KLHL29: variants seen among roughly 807,000 people sequenced by gnomAD.
KLHL29 encodes kelch like family member 29.
Under a neutral mutation model 80.4 loss-of-function variants are expected in KLHL29, and 21 were observed. That is an observed-to-expected ratio of 0.26 (90% CI 0.19 to 0.38). The LOEUF (loss-of-function observed/expected upper bound fraction) is 0.38. Among genes scored for constraint, KLHL29 ranks in the 10% least tolerant of loss-of-function variants. The pLI, the probability that KLHL29 is intolerant of heterozygous loss-of-function variation, is 1.00. For synonymous variants in KLHL29, 511 were observed against 526.8 expected (o/e 0.97, Z 0.41); for missense variants, 867 against 1,223.9 (o/e 0.71, Z 4.35).
rs1666146076 is a variant in KLHL29, at chr2:23,385,381, GC to G, written c.-550del. On this transcript the variant is annotated 5_prime_UTR_variant, in exon 1 of 14. Coordinates refer to ENST00000486442, the MANE Select transcript of KLHL29 (RefSeq NM_052920.2). ...CCCCCGCCCGGAGCCCGAGCCGCGA[GC>G]CCGGAGCCAGCCCCAGCCCCGCGGC... 6.8e-6 allele frequency: 1 copy of G among 147,542 alleles called. No individual in the cohort carries two copies. Among genetic ancestry groups the G allele is most frequent in the African/African-American group, 2.5e-5 (1 of 40,552 alleles). 9.1% of individuals were successfully genotyped at this position (147,542 alleles called of 1,614,324 possible). A position where few individuals can be genotyped will look rare whatever the true frequency, so the allele number is the denominator to read the frequency against.
chr2:23,450,823 A>C (rs1281951467), intron 1 of KLHL29, among the ~76,000 whole-genome samples: 1 of 152,254 alleles, frequency 6.6e-6, no homozygotes, highest in African/African-American at 2.4e-5. Flanking sequence ...AGATATGTGC[A>C]ACCATCCCTA....
At chr2:23,409,182 C>G (rs375153628) in intron 1 of KLHL29, among the ~76,000 whole-genome samples, 1 of 152,134 alleles carries the variant, frequency 6.6e-6, no homozygotes, top group African/African-American at 2.4e-5. Flanking sequence ...ACTTTCCATT[C>G]GCAGCACAAA....
chr2:23,691,797 G>A lies in KLHL29; in HGVS notation c.1203G>A (p.Ser401=), dbSNP rs575107369. Reference sequence around the variant, plus strand: ...ACACGGGCTCCCTGGTCATCGACTCGGCCAACGCCAAGACACTGCTGGAGG... The same window carrying A: ...ACACGGGCTCCCTGGTCATCGACTCAGCCAACGCCAAGACACTGCTGGAGG... ...FVYTGSLVID[S]ANAKTLLEAA... is the part of the protein sequence containing the mutation. Residue 401 remains serine (S), a synonymous_variant, in exon 7 of 14, where the codon TCG becomes TCA. Transcript: ENST00000486442. 5.5e-5 allele frequency: 86 copies of A among 1,551,688 alleles called. No individual in the cohort carries two copies. In the Middle Eastern group the frequency reaches 1.2e-3, roughly 21 times the overall value.
At chr2:23,497,852 G>A (rs141440331) in intron 2 of KLHL29, among the ~76,000 whole-genome samples, 8 of 152,280 alleles carry the variant, frequency 5.3e-5, no homozygotes, top group Non-Finnish European at 1.0e-4. Context: ...TATGGATGCC[G>A]TTCTGAAAGA....
chr2:23,537,548 G>C (rs905293527), intron 2 of KLHL29, among the ~76,000 whole-genome samples: 3 of 152,158 alleles, frequency 2.0e-5, no homozygotes, highest in Non-Finnish European at 4.4e-5. Flanking sequence ...AGGTGCATTA[G>C]TGCTTAGAAT....
chr2:23,660,401 A>C (rs780904622), intron 5 of KLHL29, among the ~76,000 whole-genome samples: 4 of 152,104 alleles, frequency 2.6e-5, no homozygotes, highest in African/African-American at 9.7e-5. Flanking sequence ...GTGTGGGCTT[A>C]TCAGGGTTCC....
intron 5 of KLHL29, among the ~76,000 whole-genome samples, chr2:23,655,502 A>G (rs892460419): frequency 6.6e-6 from 1 of 152,178 alleles, no homozygotes; most frequent in Admixed American, 6.5e-5. Context: ...GACATCTAGC[A>G]TGGCCTACGG....
chr2:23,408,337 C>T (rs1371225739), intron 1 of KLHL29, among the ~76,000 whole-genome samples: 4 of 126,860 alleles, frequency 3.2e-5, no homozygotes, highest in Non-Finnish European at 6.3e-5. Flanking sequence ...CATATGAATT[C>T]GATGAGATCC....
intron 5 of KLHL29, among the ~76,000 whole-genome samples, chr2:23,659,512 C>G (rs967321326): frequency 6.6e-6 from 1 of 152,146 alleles, no homozygotes; most frequent in Non-Finnish European, 1.5e-5. Flanking sequence ...TTCTCAGCGC[C>G]GAGTCCCGGA....
chr2:23,591,626 G>A (rs562934752), intron 3 of KLHL29, among the ~76,000 whole-genome samples: 6 of 152,064 alleles, frequency 3.9e-5, no homozygotes, highest in African/African-American at 9.7e-5. Flanking sequence ...CTGTCACTGC[G>A]TCTGCTCGGC....
At chr2:23,584,345 C>T (rs1352637685) in intron 3 of KLHL29, among the ~76,000 whole-genome samples, 2 of 152,206 alleles carry the variant, frequency 1.3e-5, no homozygotes, top group Non-Finnish European at 2.9e-5. Context: ...GGCAGAGCTG[C>T]GTACCCTGCT....
At chr2:23,629,745 T>C (rs1326543031) in intron 3 of KLHL29, among the ~76,000 whole-genome samples, 1 of 152,214 alleles carries the variant, frequency 6.6e-6, no homozygotes, top group African/African-American at 2.4e-5. Context: ...AAAGCAAACA[T>C]ACTTCCAGGA....
intron 7 of KLHL29, among the ~76,000 whole-genome samples, chr2:23,692,997 G>T (rs1671717851): frequency 6.6e-6 from 1 of 152,154 alleles, no homozygotes; most frequent in African/African-American, 2.4e-5. Flanking sequence ...GGGCTCTCCT[G>T]CTCCATGCCT....
chr2:23,548,910 C>T (rs79606278), intron 2 of KLHL29, among the ~76,000 whole-genome samples: 1 of 152,212 alleles, frequency 6.6e-6, no homozygotes, highest in Non-Finnish European at 1.5e-5. Context: ...GATCTGGATT[C>T]TAATTCGTCT....
chr2:23,537,394 C>T (rs1001761037), intron 2 of KLHL29, among the ~76,000 whole-genome samples: 2 of 121,608 alleles, frequency 1.6e-5, no homozygotes, highest in African/African-American at 2.9e-5. Context: ...TTTGAGCTGC[C>T]GATTCCTGCG....
chr2:23,592,385 C>G (rs1047342270), intron 3 of KLHL29, among the ~76,000 whole-genome samples: 1 of 152,246 alleles, frequency 6.6e-6, no homozygotes, highest in Non-Finnish European at 1.5e-5. Flanking sequence ...GCCCTGCTGT[C>G]TCTGAGCTCT....
At chr2:23,599,728 C>G (rs560408907) in intron 3 of KLHL29, among the ~76,000 whole-genome samples, 1 of 152,248 alleles carries the variant, frequency 6.6e-6, no homozygotes, top group East Asian at 1.9e-4. Flanking sequence ...TTTCCTCCAG[C>G]ATTTTCGGTT....
intron 2 of KLHL29, among the ~76,000 whole-genome samples, chr2:23,513,739 C>G (rs1336975142): frequency 6.6e-6 from 1 of 151,988 alleles, no homozygotes; most frequent in Non-Finnish European, 1.5e-5. Context: ...GCATTAGGAT[C>G]GAGGATGCGC....
intron 3 of KLHL29, among the ~76,000 whole-genome samples, chr2:23,601,732 A>G (rs1385047574): frequency 6.6e-6 from 1 of 152,228 alleles, no homozygotes; most frequent in African/African-American, 2.4e-5. Flanking sequence ...TCAGTAGTGC[A>G]TCTGAGGTTG....
Sources: gnomAD v4.1 joint callset for allele counts (sites outside exome capture counted in the v4.1 genomes callset) on GRCh38, gnomAD v4.1.1 for gene constraint, MANE v1.5 for transcripts, NCBI Gene and HGNC (gene_info 2026-07-23, HGNC 2026-07-21) for gene names.